The following COL5A1 variants were observed in gnomAD, a reference collection of about 807,000 sequenced individuals.
COL5A1 encodes collagen type V alpha 1 chain.
A neutral mutation model predicts 263.7 loss-of-function variants in COL5A1; 16 were observed. The observed-to-expected ratio is 0.06, with a 90% CI of 0.04 to 0.09. COL5A1 has a LOEUF of 0.09. COL5A1 is among the 10% of genes least tolerant of loss of function. The pLI is 1.00. For synonymous variants in COL5A1, 1,012 were observed against 1,004.5 expected (o/e 1.01, Z -0.14); for missense variants, 2,036 against 2,540.5 (o/e 0.80, Z 4.27).
intron 9 of COL5A1, among the ~76,000 whole-genome samples, chr9:134,734,007 G>T (rs946396636): frequency 3.3e-5 from 5 of 152,152 alleles, no homozygotes; most frequent in African/African-American, 1.2e-4. Flanking sequence ...TCCCCTCCCC[G>T]CTCTGGGAGG....
chr9:134,804,929 C>G (rs1452622694), intron 39 of COL5A1, 46 bp from the exon 40 acceptor site: 1 of 1,544,574 alleles, frequency 6.5e-7, no homozygotes, highest in Non-Finnish European at 8.9e-7. Context: ...GGTGAGAGGT[C>G]TGCGTCACTG....
At chr9:134,690,821 T>C in intron 1 of COL5A1, 91 bp from the exon 2 acceptor site, 1 of 1,456,744 alleles carries the variant, frequency 6.9e-7, no homozygotes, top group Middle Eastern at 2.0e-4. Flanking sequence ...GTGGTGGGGG[T>C]GGGGGTGCTT....
At chr9:134,830,268 GTGCCACACCGCTCT>G in intron 64 of COL5A1, 1 of 1,307,870 alleles carries the variant, frequency 7.6e-7, no homozygotes, top group Non-Finnish European at 1.1e-6. Context: ...GCTGCCATGT[GTGCCACACCGCTCT>G]TGCCAAACCG....
At position 134,802,915 on chromosome 9, in the gene COL5A1, G is replaced by A; in HGVS notation, c.3034G>A (p.Gly1012Ser). ...TCCCACGGGAGAAACGGGCCCAATG[G>A]GTGAGCGTGGCCACCCTGGGCCCCC... ...QGPTGETGPM[G>S]ERGHPGPPGP... The change falls in exon 39 of 66, where the codon GGT becomes AGT. Residue 1012 changes from glycine to serine, a missense_variant. By Grantham distance (56) the Gly-to-Ser change is moderately conservative (BLOSUM62 0). Coordinates refer to ENST00000371817, the MANE Select transcript of COL5A1 (RefSeq NM_000093.5). 1 of 1,612,452 alleles carries A rather than the reference G, an allele frequency of 6.2e-7. No individual in the cohort carries two copies. The highest frequency in any genetic ancestry group is 8.5e-7 in the Non-Finnish European group (1 of 1,179,726).
chr9:134,740,700 C>T (rs1256302418), intron 11 of COL5A1, among the ~76,000 whole-genome samples: 1 of 152,214 alleles, frequency 6.6e-6, no homozygotes, highest in Non-Finnish European at 1.5e-5. Flanking sequence ...GTTCACACCT[C>T]ACCATGCGGT....
intron 4 of COL5A1, among the ~76,000 whole-genome samples, 194 bp downstream of exon 4, chr9:134,701,527 G>A (rs1833676231): frequency 6.6e-6 from 1 of 152,258 alleles, no homozygotes. Flanking sequence ...AGGGGCCAGA[G>A]CTGCTGCCGC....
At chr9:134,756,639 C>G (rs575845973) in intron 16 of COL5A1, 126 bp from the exon 17 acceptor site, 2 of 1,054,534 alleles carry the variant, frequency 1.9e-6, no homozygotes, top group East Asian at 2.4e-5. Context: ...GCCACTCGGG[C>G]TGTGACCTTG....
At chr9:134,823,183 G>A (rs930620692) in intron 60 of COL5A1, 150 bp downstream of exon 60, 56 of 1,101,546 alleles carry the variant, frequency 5.1e-5, no homozygotes, top group South Asian at 2.5e-4. Context: ...GACCCATGGC[G>A]GACTGAGGCA....
intron 35 of COL5A1, 87 bp from the exon 36 acceptor site, chr9:134,796,761 C>T (rs908596821): frequency 9.5e-6 from 12 of 1,258,402 alleles, no homozygotes; most frequent in African/African-American, 1.5e-5. Context: ...CACCTGCGTT[C>T]AGAGAGCCAC....
chr9:134,833,612 C>A (rs28412387), intron 64 of COL5A1, among the ~76,000 whole-genome samples: 12,400 of 152,182 alleles, frequency 0.081, 1,266 homozygotes, highest in African/African-American at 0.24. Flanking sequence ...TCATCCGGGA[C>A]CCCTGTGCCT....
In COL5A1 at chr9:134,754,469, C is replaced by A; in HGVS notation, c.1827+143C>A. On this transcript the variant is annotated intron_variant, in intron 16 of 65. Transcript: ENST00000371817. This position sits in a 1 kb window ranked among gnomAD's most constrained non-coding sequence, Gnocchi z 4.3. The stretch of plus-strand genomic sequence containing the variant: ...CTTCTTGTGATGGGTGCGTCCATCC[C>A]CAAGGCTGCCTCTGAGCCAGCTGCC... 1 of 942,142 alleles carries A rather than the reference C, an allele frequency of 1.1e-6. No homozygotes were observed. The highest frequency in any genetic ancestry group is 1.7e-6 in the Non-Finnish European group (1 of 591,180). 58.4% of individuals were successfully genotyped at this position (942,142 alleles called of 1,614,324 possible). A position where few individuals can be genotyped will look rare whatever the true frequency, so the allele number is the denominator to read the frequency against.
At position 134,823,756 on chromosome 9, in the gene COL5A1, T is replaced by TGCGTGTATGTGACTGG. The variant is rs1170216663; in HGVS notation, c.4698+290_4698+305dup. ...TATGAATGTGTGAACGTGTAGTATA[T>TGCGTGTATGTGACTGG]GCGTGTATGTGACTGGGCACGTGTG... On this transcript the variant is annotated intron_variant, in intron 61 of 65. Transcript: ENST00000371817. 2.6e-5 allele frequency among the ~76,000 whole-genome samples: 4 copies of TGCGTGTATGTGACTGG among 152,312 alleles called. No individual in the cohort carries two copies. In the South Asian group the frequency reaches 6.2e-4, roughly 24 times the overall value.
In COL5A1 at chr9:134,842,058, C is replaced by A; in HGVS notation, c.5371-99C>A. 7.0e-7 allele frequency: 1 copy of A among 1,425,026 alleles called. No individual in the cohort carries two copies. The highest frequency in any genetic ancestry group is 9.8e-7 in the Non-Finnish European group (1 of 1,015,912). The allele number at this position is 1,425,026 out of a possible 1,614,324, so 88.3% of individuals were successfully genotyped here. ...CCCTGGGTAGGAGACAGGACACCAG[C>A]CTGGGTTTTGGAGCCAGACAGATTG... On this transcript the variant is annotated intron_variant, in intron 65 of 65. Transcript: ENST00000371817. The surrounding 1 kb of genome is among the most constrained non-coding windows in gnomAD (Gnocchi z 5.8).
chr9:134,791,729 C>A (rs1022315096), intron 32 of COL5A1, among the ~76,000 whole-genome samples: 1 of 135,630 alleles, frequency 7.4e-6, no homozygotes, highest in Non-Finnish European at 1.6e-5. Context: ...CGCCCTTGGC[C>A]GCCCTTCTTT....
intron 27 of COL5A1, among the ~76,000 whole-genome samples, chr9:134,779,297 C>G (rs939229489): frequency 3.3e-5 from 5 of 152,200 alleles, no homozygotes; most frequent in Non-Finnish European, 5.9e-5. Flanking sequence ...CGTAATTCCA[C>G]CCCACAGATT....
At chr9:134,775,636 C>T (rs1306709651) in intron 27 of COL5A1, among the ~76,000 whole-genome samples, 1 of 152,300 alleles carries the variant, frequency 6.6e-6, no homozygotes, top group East Asian at 1.9e-4. Context: ...ACAGACATAC[C>T]CCTAGGCGCA....
chr9:134,752,348 C>T (rs1290203479), intron 13 of COL5A1, among the ~76,000 whole-genome samples: 6 of 151,034 alleles, frequency 4.0e-5, no homozygotes, highest in Non-Finnish European at 5.9e-5. Flanking sequence ...AGGGAGGAAA[C>T]GGGGGCCCAC....
rs1239919624 is a variant in COL5A1 at position 134,824,681 on chromosome 9, G to C, written c.4780G>C (p.Asp1594His). The part of the protein sequence containing the change: ...RRNIDASQLL[D>H]DGNGENYVDY... ...GAACATCGACGCCAGCCAGCTGCTG[G>C]ACGACGGGAATGGCGAGAACTACGT... is the stretch of plus-strand genomic sequence containing the variant. Residue 1594 changes from aspartate to histidine, a missense_variant, in exon 62 of 66, where the codon GAC becomes CAC. Asp to His is a moderately conservative substitution (Grantham distance 81). Around this residue, in one of 3 missense-constraint regions of COL5A1, gnomAD observed 358 missense variants for 384.6 expected, o/e 0.93. Coordinates refer to ENST00000371817, the MANE Select transcript of COL5A1 (RefSeq NM_000093.5). The C allele has an allele frequency of 6.2e-7, 1 of 1,614,228 alleles. No homozygotes were observed. Among genetic ancestry groups the C allele is most frequent in the Non-Finnish European group, 8.5e-7 (1 of 1,180,042 alleles).
intron 28 of COL5A1, among the ~76,000 whole-genome samples, chr9:134,780,704 A>G (rs1182685233): frequency 6.6e-6 from 1 of 152,228 alleles, no homozygotes; most frequent in African/African-American, 2.4e-5. Context: ...ACCCCCATGC[A>G]TGCCTGCCAG....
Sources: gnomAD v4.1 joint callset for allele counts (sites outside exome capture counted in the v4.1 genomes callset) on GRCh38, gnomAD v4.1.1 for gene constraint, gnomAD v4.1.1 regional missense constraint, Gnocchi (gnomAD v3.1) non-coding constraint, MANE v1.5 for transcripts, NCBI Gene and HGNC (gene_info 2026-07-23, HGNC 2026-07-21) for gene names.